Variants in GPC5 observed in about 807,000 individuals in gnomAD.
The protein encoded by GPC5 is glypican-5.
A neutral mutation model predicts 53.9 loss-of-function variants in GPC5; 47 were observed. That is an observed-to-expected ratio of 0.87 (90% CI 0.69 to 1.11). The LOEUF is 1.11. Ranked by LOEUF, GPC5 falls within the 50% of genes most tolerant of loss-of-function variation. The pLI is 0.00. For missense variants in GPC5, 748 were observed against 713.1 expected (o/e 1.05, Z -0.56); for synonymous variants, 286 against 263.3 (o/e 1.09, Z -0.84).
chr13:92,533,885 T>A (rs1190281866), intron 7 of GPC5, among the ~76,000 whole-genome samples: 1 of 152,196 alleles, frequency 6.6e-6, no homozygotes, highest in Non-Finnish European at 1.5e-5. Flanking sequence ...ACATTATTAA[T>A]AAAACTTTCA....
At chr13:92,741,043 C>T (rs955015822) in intron 7 of GPC5, among the ~76,000 whole-genome samples, 3 of 149,462 alleles carry the variant, frequency 2.0e-5, no homozygotes, top group African/African-American at 7.4e-5. Context: ...ATTATTCCTT[C>T]TACCTGGTAG....
chr13:91,800,989 T>A (rs760467017), intron 5 of GPC5, among the ~76,000 whole-genome samples: 3 of 152,202 alleles, frequency 2.0e-5, no homozygotes, highest in Non-Finnish European at 4.4e-5. Context: ...TGTTATATAT[T>A]TATTATTCAA....
intron 3 of GPC5, among the ~76,000 whole-genome samples, chr13:91,720,021 GT>G (rs372458191): frequency 8.5e-5 from 13 of 152,060 alleles, no homozygotes; most frequent in African/African-American, 3.1e-4. Context: ...TGTCTCACTT[GT>G]TTTGCAATAG....
chr13:92,454,684 T>G (rs956294325), intron 7 of GPC5, among the ~76,000 whole-genome samples: 3 of 152,194 alleles, frequency 2.0e-5, no homozygotes, highest in African/African-American at 7.2e-5. Flanking sequence ...TTGCCCATAC[T>G]TGGTGTCTAG....
At chr13:91,480,286 A>T (rs1883228873) in intron 2 of GPC5, among the ~76,000 whole-genome samples, 1 of 152,262 alleles carries the variant, frequency 6.6e-6, no homozygotes, top group South Asian at 2.1e-4. Context: ...CTTCTAAAAC[A>T]GATGATTACT....
intron 6 of GPC5, among the ~76,000 whole-genome samples, chr13:92,130,074 A>G (rs566209976): frequency 4.1e-4 from 62 of 152,260 alleles, no homozygotes; most frequent in Non-Finnish European, 5.6e-4. Flanking sequence ...AAGAGCACAG[A>G]TAAGTATTCC....
At chr13:91,973,999 T>C (rs2040271275) in intron 6 of GPC5, among the ~76,000 whole-genome samples, 1 of 152,170 alleles carries the variant, frequency 6.6e-6, no homozygotes, top group Non-Finnish European at 1.5e-5. Context: ...GAACCACTAC[T>C]CTCTTCAAAG....
intron 7 of GPC5, among the ~76,000 whole-genome samples, chr13:92,553,792 G>C (rs1189818296): frequency 3.3e-5 from 5 of 151,774 alleles, no homozygotes; most frequent in Non-Finnish European, 7.4e-5. Flanking sequence ...AATTTATGTG[G>C]GTCACAGCCT....
chr13:91,399,310 G>T, intron 1 of GPC5, 101 bp downstream of exon 1: 2 of 1,372,918 alleles, frequency 1.5e-6, no homozygotes, highest in Non-Finnish European at 2.0e-6. Flanking sequence ...GACCTTTCGG[G>T]CCCTGCAGCC....
chr13:92,427,964 T>C (rs1220562433), intron 7 of GPC5, among the ~76,000 whole-genome samples: 1 of 152,126 alleles, frequency 6.6e-6, no homozygotes, highest in Non-Finnish European at 1.5e-5. Flanking sequence ...AAAATAATAA[T>C]GTGGAATAAT....
chr13:92,784,636 T>G (rs1431353778), intron 7 of GPC5, among the ~76,000 whole-genome samples: 3 of 152,156 alleles, frequency 2.0e-5, no homozygotes, highest in Non-Finnish European at 2.9e-5. Flanking sequence ...ATTTAGCAAA[T>G]GTCAGGTCAT....
At chr13:91,821,480 T>C (rs1439893318) in intron 5 of GPC5, among the ~76,000 whole-genome samples, 1 of 152,212 alleles carries the variant, frequency 6.6e-6, no homozygotes, top group African/African-American at 2.4e-5. Context: ...CTTCCTACAA[T>C]GTTGAATAAA....
intron 5 of GPC5, among the ~76,000 whole-genome samples, chr13:91,784,665 C>T (rs949869135): frequency 2.0e-5 from 3 of 149,606 alleles, no homozygotes; most frequent in East Asian, 2.0e-4. Context: ...TGGAGGTTGC[C>T]GTGAGCTGAG....
At chr13:92,282,187 A>G (rs1414050184) in intron 7 of GPC5, among the ~76,000 whole-genome samples, 1 of 152,228 alleles carries the variant, frequency 6.6e-6, no homozygotes, top group East Asian at 1.9e-4. Flanking sequence ...TGAGAAGAGA[A>G]GTTTAGAGAA....
chr13:92,217,835 C>A (rs566450506), intron 7 of GPC5, among the ~76,000 whole-genome samples: 1 of 151,894 alleles, frequency 6.6e-6, no homozygotes, highest in East Asian at 1.9e-4. Context: ...CCCTAATATG[C>A]CATAATACAA....
chr13:91,862,838 G>T (rs1481077736), intron 5 of GPC5, among the ~76,000 whole-genome samples: 2 of 152,064 alleles, frequency 1.3e-5, no homozygotes, highest in African/African-American at 4.8e-5. Context: ...CATTGACTTT[G>T]ATCGTCAGGT....
chr13:92,798,707 C>T (rs1044188124), intron 7 of GPC5, among the ~76,000 whole-genome samples: 1 of 151,770 alleles, frequency 6.6e-6, no homozygotes, highest in African/African-American at 2.4e-5. Context: ...ACTAAAGCCT[C>T]CCTTTCAAAT....
At chr13:91,543,424 T>C (rs961156787) in intron 2 of GPC5, among the ~76,000 whole-genome samples, 3 of 152,246 alleles carry the variant, frequency 2.0e-5, no homozygotes, top group Non-Finnish European at 4.4e-5. Flanking sequence ...ACATGTCTTT[T>C]AAGCTAATTT....
At chr13:92,785,828 G>T (rs920569038) in intron 7 of GPC5, among the ~76,000 whole-genome samples, 1 of 152,134 alleles carries the variant, frequency 6.6e-6, no homozygotes, top group African/African-American at 2.4e-5. Context: ...CTGTGCCTCC[G>T]TTTTTTCCTT....
Sources: allele counts gnomAD v4.1 joint callset (sites outside exome capture counted in the v4.1 genomes callset), GRCh38; gene constraint gnomAD v4.1.1; transcripts MANE v1.5; gene names NCBI Gene and HGNC (gene_info 2026-07-23, HGNC 2026-07-21).